Variants in PCED1B observed in about 807,000 individuals in gnomAD.
PCED1B encodes PC-esterase domain containing 1B.
For synonymous variants in PCED1B, 251 were observed against 246.1 expected, an observed-to-expected ratio of 1.02 and a Z score of -0.19; for missense variants, 573 against 573.9, an observed-to-expected ratio of 1.00 and a Z score of 0.02.
chr12:47,106,076 A>C lies in PCED1B; in HGVS notation c.-526+1881A>C, dbSNP rs141616661. Among the ~76,000 whole-genome samples, 724 of 152,182 alleles carry C rather than the reference A, an allele frequency of 4.8e-3. 6 individuals are homozygous for C. The highest frequency in any genetic ancestry group is 8.0e-3 in the Non-Finnish European group (547 of 68,020). On this transcript the variant is annotated intron_variant, in intron 2 of 3. Coordinates refer to ENST00000546455, the MANE Select transcript of PCED1B (RefSeq NM_138371.3). ...AGCTAACAAGACTAGAGAGTAAACA[A>C]CTCACCCACAGTCACCCAGCAGGTG... is the stretch of plus-strand genomic sequence containing the variant.
At chr12:47,123,016 A>T (rs1470002325) in intron 2 of PCED1B, among the ~76,000 whole-genome samples, 10 of 152,224 alleles carry the variant, frequency 6.6e-5, no homozygotes, top group Admixed American at 6.5e-4. Context: ...TAAGAAGCAG[A>T]ATGCAGAAAA....
intron 3 of PCED1B, 53 bp from the exon 4 acceptor site, chr12:47,234,954 G>A: frequency 9.6e-7 from 1 of 1,038,108 alleles, no homozygotes; most frequent in African/African-American, 1.6e-5. Flanking sequence ...ACCTGCACTG[G>A]GCGCTCCGCC....
At chr12:47,142,781 CA>C (rs1289927893) in intron 2 of PCED1B, among the ~76,000 whole-genome samples, 9 of 151,510 alleles carry the variant, frequency 5.9e-5, no homozygotes, top group Non-Finnish European at 1.0e-4. Context: ...GGAACCAAAA[CA>C]AAAGAAGAAA....
intron 2 of PCED1B, among the ~76,000 whole-genome samples, chr12:47,171,455 T>C (rs1050354815): frequency 1.3e-5 from 2 of 152,208 alleles, no homozygotes; most frequent in Non-Finnish European, 2.9e-5. Context: ...AGTAAATTCT[T>C]CTTTTTAAAG....
At chr12:47,085,580 G>T (rs1217643284) in intron 1 of PCED1B, among the ~76,000 whole-genome samples, 1 of 152,190 alleles carries the variant, frequency 6.6e-6, no homozygotes, top group African/African-American at 2.4e-5. Context: ...AAATAATGTG[G>T]CAGGGGACTA....
At chr12:47,200,846 A>G (rs1423512994) in intron 2 of PCED1B, among the ~76,000 whole-genome samples, 1 of 152,258 alleles carries the variant, frequency 6.6e-6, no homozygotes, top group African/African-American at 2.4e-5. Flanking sequence ...TTAAACAATA[A>G]CAGACATATG....
At chr12:47,148,593 T>A (rs529262470) in intron 2 of PCED1B, among the ~76,000 whole-genome samples, 1 of 152,300 alleles carries the variant, frequency 6.6e-6, no homozygotes, top group South Asian at 2.1e-4. Flanking sequence ...TTGTGTTGCT[T>A]CACTTTTCTG....
rs1418935321 is a variant in PCED1B at position 47,235,027 on chromosome 12, T to A, written c.-37T>A. On this transcript the variant is annotated 5_prime_UTR_variant, in exon 4 of 4. Transcript: ENST00000546455. ...CCTAGCCATCCGCAGAGCCATCCTG[T>A]GCAAAGGAAGGAGCTAGGCTGTGCG... is the stretch of plus-strand genomic sequence containing the variant. The A allele has an allele frequency of 2.1e-5, 31 of 1,502,708 alleles. No individual in the cohort carries two copies. Among genetic ancestry groups the A allele is most frequent in the Non-Finnish European group, 1.8e-6 (2 of 1,123,548 alleles). 93.1% of individuals were successfully genotyped at this position (1,502,708 alleles called of 1,614,324 possible).
chr12:47,101,888 G>T (rs1196683787), intron 1 of PCED1B, among the ~76,000 whole-genome samples: 1 of 152,044 alleles, frequency 6.6e-6, no homozygotes, highest in African/African-American at 2.4e-5. Context: ...GGAGGTTGCA[G>T]TGAGCCGAGA....
rs1943947460 is a variant in PCED1B, at chr12:47,235,447, C to T, written c.384C>T (p.Ile128=). ...LVIMNSCLWD[I]SRYGPNSWRS... is the part of the protein sequence containing the mutation. ...TCATGAATTCCTGCCTCTGGGACAT[C>T]TCCAGGTATGGTCCGAACTCCTGGA... The change falls in exon 4 of 4, where the codon ATC becomes ATT. Residue 128 remains isoleucine (I), a synonymous_variant. Coordinates refer to ENST00000546455, the MANE Select transcript of PCED1B (RefSeq NM_138371.3). 1 of 1,614,210 alleles carries T rather than the reference C, an allele frequency of 6.2e-7. No homozygotes were observed. The highest frequency in any genetic ancestry group is 8.5e-7 in the Non-Finnish European group (1 of 1,180,036).
At chr12:47,085,652 T>A (rs1937943014) in intron 1 of PCED1B, among the ~76,000 whole-genome samples, 1 of 152,078 alleles carries the variant, frequency 6.6e-6, no homozygotes, top group Non-Finnish European at 1.5e-5. Flanking sequence ...AAAGAAAAAA[T>A]ATATATGTAT....
At chr12:47,223,215 C>T (rs1416448668) in intron 3 of PCED1B, among the ~76,000 whole-genome samples, 1 of 152,058 alleles carries the variant, frequency 6.6e-6, no homozygotes, top group Non-Finnish European at 1.5e-5. Flanking sequence ...GTCACAAATA[C>T]GTGGACTTGA....
At chr12:47,135,290 TTTTTTATTTTTA>T (rs1045775734) in intron 2 of PCED1B, among the ~76,000 whole-genome samples, 20 of 152,308 alleles carry the variant, frequency 1.3e-4, no homozygotes, top group Admixed American at 8.5e-4. Flanking sequence ...GAAAGTTAAT[TTTTTTATTTTTA>T]TTTTTATTTT....
Position 47,235,970 on chromosome 12 carries a change from C to G in PCED1B, c.907C>G (p.Leu303Val). 1 of 1,612,282 alleles carries G rather than the reference C, an allele frequency of 6.2e-7. No individual in the cohort carries two copies. Among genetic ancestry groups the G allele is most frequent in the Non-Finnish European group, 8.5e-7 (1 of 1,179,150 alleles). The change falls in exon 4 of 4, where the codon CTT becomes GTT. Residue 303 changes from leucine (L) to valine (V), a missense_variant. Transcript: ENST00000546455. Reference sequence around the variant, plus strand: ...ACCTTCCCCCACATACCGCCCCCTGCTTGGGTTCCCACCCCAGCGCTTGCC... The same window carrying G: ...ACCTTCCCCCACATACCGCCCCCTGGTTGGGTTCCCACCCCAGCGCTTGCC... ...PLPSPTYRPLLGFPPQRLPLL... is the reference protein window; with the variant it reads ...PLPSPTYRPLVGFPPQRLPLL...
intron 1 of PCED1B, among the ~76,000 whole-genome samples, chr12:47,090,467 C>T (rs986716081): frequency 1.3e-5 from 2 of 152,122 alleles, no homozygotes; most frequent in East Asian, 1.9e-4. Flanking sequence ...AAAATTCCAA[C>T]AAAGACAATC....
At chr12:47,130,023 C>G (rs1940057925) in intron 2 of PCED1B, among the ~76,000 whole-genome samples, 1 of 152,156 alleles carries the variant, frequency 6.6e-6, no homozygotes, top group South Asian at 2.1e-4. Context: ...CCCTTTTCAT[C>G]TAGAGCACTT....
chr12:47,216,588 C>T lies in PCED1B; in HGVS notation c.-159C>T, dbSNP rs1256232098. The T allele has an allele frequency of 2.0e-5, 3 of 152,186 alleles. No individual in the cohort carries two copies. Among genetic ancestry groups the T allele is most frequent in the East Asian group, 1.9e-4 (1 of 5,200 alleles). 9.4% of individuals were successfully genotyped at this position (152,186 alleles called of 1,614,324 possible). On this transcript the variant is annotated 5_prime_UTR_variant, in exon 3 of 4. Coordinates refer to ENST00000546455, the MANE Select transcript of PCED1B (RefSeq NM_138371.3). ...CTATAGCCCAAGCTCTGAGATCTCC[C>T]GTCTGGTCACAATGATCTACAGGAG...
intron 2 of PCED1B, among the ~76,000 whole-genome samples, chr12:47,140,314 A>G (rs554197536): frequency 2.0e-5 from 3 of 152,228 alleles, no homozygotes; most frequent in Non-Finnish European, 4.4e-5. Context: ...AAATAAATCC[A>G]TAATTTAAAT....
intron 2 of PCED1B, among the ~76,000 whole-genome samples, chr12:47,120,544 G>A (rs1197795744): frequency 6.6e-6 from 1 of 152,158 alleles, no homozygotes; most frequent in Non-Finnish European, 1.5e-5. Context: ...GCTCATGCCT[G>A]TAATCCCAGC....
Sources: allele counts gnomAD v4.1 joint callset (sites outside exome capture counted in the v4.1 genomes callset), GRCh38; gene constraint gnomAD v4.1.1; transcripts MANE v1.5; gene names NCBI Gene and HGNC (gene_info 2026-07-23, HGNC 2026-07-21).